Variants in MAGI2 observed in about 807,000 individuals in gnomAD.
MAGI2 encodes the protein membrane associated guanylate kinase, WW and PDZ domain containing 2, also known as membrane-associated guanylate kinase, WW and PDZ domain-containing protein 2.
Under a neutral mutation model 133.3 loss-of-function variants are expected in MAGI2, and 35 were observed. That is an observed-to-expected ratio of 0.26 (90% CI 0.20 to 0.35). MAGI2 has a LOEUF of 0.35. Ranked by LOEUF, MAGI2 falls within the 10% of genes least tolerant of loss-of-function variation. The pLI is 1.00. For synonymous variants in MAGI2, 729 were observed against 710.6 expected, an observed-to-expected ratio of 1.03 and a Z score of -0.41; for missense variants, 1,636 against 1,863.4, an observed-to-expected ratio of 0.88 and a Z score of 2.25.
chr7:78,114,268 C>T (rs1819643707), intron 20 of MAGI2, among the ~76,000 whole-genome samples: 1 of 152,206 alleles, frequency 6.6e-6, no homozygotes, highest in Admixed American at 6.5e-5. Flanking sequence ...GTGAAAGTAT[C>T]TTAGGTGATT....
At chr7:78,276,250 G>A (rs1387911767) in intron 9 of MAGI2, among the ~76,000 whole-genome samples, 1 of 152,108 alleles carries the variant, frequency 6.6e-6, no homozygotes, top group East Asian at 1.9e-4. Flanking sequence ...TTAAAATTTA[G>A]ACTTAGCTCT....
intron 1 of MAGI2, among the ~76,000 whole-genome samples, chr7:79,281,707 T>A (rs1242363580): frequency 6.6e-6 from 1 of 152,196 alleles, no homozygotes; most frequent in Non-Finnish European, 1.5e-5. Context: ...TTTATTGCTA[T>A]ACTAAATCAG....
intron 2 of MAGI2, among the ~76,000 whole-genome samples, chr7:78,744,478 A>C (rs974997943): frequency 6.6e-6 from 1 of 152,160 alleles, no homozygotes; most frequent in Non-Finnish European, 1.5e-5. Flanking sequence ...TAATTGTTTA[A>C]ATATTAAAAC....
At chr7:79,271,644 G>A (rs1399842342) in intron 1 of MAGI2, among the ~76,000 whole-genome samples, 4 of 148,426 alleles carry the variant, frequency 2.7e-5, no homozygotes, top group African/African-American at 7.4e-5. Context: ...ATTTCTGCAG[G>A]ATGCTTGCTA....
At chr7:78,571,141 T>C (rs990960427) in intron 3 of MAGI2, among the ~76,000 whole-genome samples, 3 of 152,196 alleles carry the variant, frequency 2.0e-5, no homozygotes, top group Non-Finnish European at 4.4e-5. Context: ...CTGGTGTGTA[T>C]TGGAATTATC....
At chr7:78,427,348 G>A (rs1799376394) in intron 6 of MAGI2, among the ~76,000 whole-genome samples, 1 of 151,964 alleles carries the variant, frequency 6.6e-6, no homozygotes, top group South Asian at 2.1e-4. Context: ...AGTATAAGAA[G>A]CACACTTTAA....
intron 5 of MAGI2, among the ~76,000 whole-genome samples, chr7:78,499,215 G>T (rs10241051): frequency 0.35 from 53,030 of 151,926 alleles, 9,832 homozygotes; most frequent in South Asian, 0.49. Context: ...ATACACCTAA[G>T]GACTTCGTCT....
chr7:79,057,583 AC>A lies in MAGI2; in HGVS notation c.302-50378del, dbSNP rs1813266722. On this transcript the variant is annotated intron_variant, in intron 1 of 21. Transcript: ENST00000354212. ...TGTCTCAGCCTAGAAGTGCACCTGC[AC>A]ACTTCTCTCAGCCCTTCTTTATGAT... Among the ~76,000 whole-genome samples the A allele has an allele frequency of 2.0e-5, 3 of 152,214 alleles. No individual in the cohort carries two copies. The South Asian group carries it at 6.2e-4, about 31-fold the overall frequency.
intron 3 of MAGI2, among the ~76,000 whole-genome samples, chr7:78,550,251 G>A (rs1429867035): frequency 6.6e-6 from 1 of 152,176 alleles, no homozygotes; most frequent in Non-Finnish European, 1.5e-5. Context: ...CTTTAGAACA[G>A]AAGTTAGATG....
intron 2 of MAGI2, among the ~76,000 whole-genome samples, chr7:78,713,859 T>A (rs920684945): frequency 1.3e-5 from 2 of 152,250 alleles, no homozygotes; most frequent in East Asian, 1.9e-4. Flanking sequence ...AACTTTTGTT[T>A]TTAGCAACCA....
At chr7:79,392,727 T>C (rs953897639) in intron 1 of MAGI2, among the ~76,000 whole-genome samples, 2 of 152,222 alleles carry the variant, frequency 1.3e-5, no homozygotes, top group Non-Finnish European at 2.9e-5. Flanking sequence ...TCTTGACCTT[T>C]ACTCAATTTT....
chr7:79,121,292 AC>A (rs1241322261), intron 1 of MAGI2, among the ~76,000 whole-genome samples: 1 of 152,176 alleles, frequency 6.6e-6, no homozygotes, highest in Non-Finnish European at 1.5e-5. Context: ...CATTCAGTGA[AC>A]TTTTGAGAGC....
intron 3 of MAGI2, among the ~76,000 whole-genome samples, chr7:78,620,682 T>C (rs750381552): frequency 2.6e-5 from 4 of 151,972 alleles, no homozygotes; most frequent in Non-Finnish European, 5.9e-5. Context: ...TTGTACTATG[T>C]TGTGTCAGAT....
At chr7:78,403,696 C>T (rs1797113700) in intron 6 of MAGI2, among the ~76,000 whole-genome samples, 1 of 152,092 alleles carries the variant, frequency 6.6e-6, no homozygotes, top group Non-Finnish European at 1.5e-5. Flanking sequence ...GTCATTCTAA[C>T]TGGTGTGAGA....
At chr7:78,681,602 C>T (rs1334657304) in intron 2 of MAGI2, among the ~76,000 whole-genome samples, 3 of 152,034 alleles carry the variant, frequency 2.0e-5, no homozygotes, top group Admixed American at 6.6e-5. Context: ...TTCAGAACAT[C>T]GATCTGTAAT....
At chr7:79,078,626 C>G (rs769558894) in intron 1 of MAGI2, among the ~76,000 whole-genome samples, 1 of 152,182 alleles carries the variant, frequency 6.6e-6, no homozygotes, top group Non-Finnish European at 1.5e-5. Flanking sequence ...TATTTTAACT[C>G]ATATGCAATG....
chr7:78,179,560 G>T (rs1826986884), intron 13 of MAGI2, among the ~76,000 whole-genome samples: 2 of 152,178 alleles, frequency 1.3e-5, no homozygotes, highest in South Asian at 4.1e-4. Context: ...AAATAAAGAT[G>T]AATCAGGCGC....
chr7:79,202,988 T>C (rs1182504990), intron 1 of MAGI2, among the ~76,000 whole-genome samples: 2 of 152,164 alleles, frequency 1.3e-5, no homozygotes, highest in South Asian at 2.1e-4. Flanking sequence ...ACATATATCC[T>C]GATTATCCAC....
chr7:78,489,661 T>A lies in MAGI2; in HGVS notation c.1045+100A>T, dbSNP rs958823198. 7.1e-6 allele frequency: 6 copies of A among 849,544 alleles called. No individual in the cohort carries two copies. The South Asian group carries it at 9.3e-5, about 13-fold the overall frequency. 52.6% of individuals were successfully genotyped at this position (849,544 alleles called of 1,614,324 possible). ...TTAAACATTACATCGTTAAAATTGT[T>A]TCAGCTAGATTATTGCCTCTTCAGG... On this transcript the variant is annotated intron_variant, in intron 6 of 21. Transcript: ENST00000354212.
Sources: allele counts gnomAD v4.1 joint callset (sites outside exome capture counted in the v4.1 genomes callset), GRCh38; gene constraint gnomAD v4.1.1; transcripts MANE v1.5; gene names NCBI Gene and HGNC (gene_info 2026-07-23, HGNC 2026-07-21).